Variants in NANS observed in about 807,000 individuals in gnomAD.
NANS encodes N-acetylneuraminate synthase, also known as N-acetylneuraminate-9-phosphate synthase.
In NANS, 29 loss-of-function variants were observed where a neutral mutation model predicts 33.3. The ratio of observed to expected loss-of-function variants is 0.87; its 90% CI spans 0.65 to 1.19. The LOEUF (loss-of-function observed/expected upper bound fraction) is 1.19. Among genes scored for constraint, NANS ranks in the 50% most tolerant of loss-of-function variants. NANS has a pLI of 0.00. For missense variants in NANS, 394 were observed against 461.1 expected (o/e 0.85, Z 1.33); for synonymous variants, 163 against 177.2 (o/e 0.92, Z 0.64).
chr9:98,063,175 G>A (rs1829036744), intron 2 of NANS, among the ~76,000 whole-genome samples: 1 of 151,798 alleles, frequency 6.6e-6, no homozygotes, highest in Admixed American at 6.6e-5. Flanking sequence ...CCATCCGCCC[G>A]CCCCAGCCTC....
chr9:98,076,678 C>G, intron 2 of NANS: 1 of 468,008 alleles, frequency 2.1e-6, no homozygotes, highest in Non-Finnish European at 3.7e-6. Flanking sequence ...TTTCCAGATT[C>G]CTGTAGCCAG....
At chr9:98,081,842 A>G (rs1450380628) in intron 5 of NANS, 1 of 152,198 alleles carries the variant, frequency 6.6e-6, no homozygotes, top group Non-Finnish European at 1.5e-5. Flanking sequence ...CCCCAAATCA[A>G]AGATGCATCT....
intron 2 of NANS, among the ~76,000 whole-genome samples, chr9:98,070,272 C>A (rs1047684851): frequency 1.3e-5 from 2 of 152,122 alleles, no homozygotes; most frequent in Non-Finnish European, 2.9e-5. Context: ...TGTATGCCAC[C>A]ATGCCCAGCT....
intron 1 of NANS, 49 bp downstream of exon 1, chr9:98,056,989 G>A: frequency 1.3e-6 from 2 of 1,512,464 alleles, no homozygotes; most frequent in Non-Finnish European, 1.8e-6. Flanking sequence ...GGGAGGGGCG[G>A]GGCGGGGCCG....
intron 5 of NANS, chr9:98,081,897 A>T (rs1412902971): frequency 1.3e-5 from 2 of 152,256 alleles, no homozygotes; most frequent in African/African-American, 2.4e-5. Flanking sequence ...GTTTCTTTAT[A>T]GAGGAAACAG....
chr9:98,070,488 T>A (rs2131635464), intron 2 of NANS, among the ~76,000 whole-genome samples: 1 of 152,230 alleles, frequency 6.6e-6, no homozygotes, highest in East Asian at 1.9e-4. Flanking sequence ...TGGCGTGATC[T>A]TGGCTCACTG....
intron 5 of NANS, among the ~76,000 whole-genome samples, chr9:98,082,639 G>A (rs981396762): frequency 6.6e-6 from 1 of 152,176 alleles, no homozygotes; most frequent in African/African-American, 2.4e-5. Flanking sequence ...TTGTTGTAAA[G>A]GCTCCTCCTC....
intron 2 of NANS, among the ~76,000 whole-genome samples, chr9:98,071,052 G>A (rs1444247411): frequency 6.6e-6 from 1 of 151,850 alleles, no homozygotes; most frequent in Admixed American, 6.6e-5. Flanking sequence ...GCCTCAAACA[G>A]TCTCCCACCT....
chr9:98,067,381 T>G (rs1278094519), intron 2 of NANS, among the ~76,000 whole-genome samples: 1 of 152,210 alleles, frequency 6.6e-6, no homozygotes, highest in Non-Finnish European at 1.5e-5. Flanking sequence ...GGTTTGATGG[T>G]GCCAGTTGCT....
At chr9:98,078,831 A>G (rs1829713083) in intron 4 of NANS, among the ~76,000 whole-genome samples, 2 of 82,916 alleles carry the variant, frequency 2.4e-5, no homozygotes, top group South Asian at 4.9e-4. Context: ...TGAGACTCTC[A>G]GGGGGAAAAA....
chr9:98,064,074 C>A (rs893733468), intron 2 of NANS, among the ~76,000 whole-genome samples: 3 of 152,194 alleles, frequency 2.0e-5, no homozygotes, highest in Non-Finnish European at 4.4e-5. Flanking sequence ...AAGAAGCACA[C>A]ATGCAGCTCA....
At chr9:98,073,454 T>C (rs1829441267) in intron 2 of NANS, among the ~76,000 whole-genome samples, 1 of 151,558 alleles carries the variant, frequency 6.6e-6, no homozygotes, top group Non-Finnish European at 1.5e-5. Context: ...CGGGCTAATT[T>C]TTGTATTTTT....
In NANS at chr9:98,076,964, T is replaced by C. The variant is rs749393984; in HGVS notation, c.395T>C (p.Val132Ala). ...LHELNVPFFK[V>A]GSGDTNNFPY... ...GAACTGAATGTTCCATTTTTCAAAG[T>C]TGGATCTGGAGACACTAATAATTTT... Residue 132 changes from valine to alanine, a missense_variant, in exon 3 of 6, where the codon GTT (valine) becomes GCT (alanine). Transcript: ENST00000210444. 6.2e-7 allele frequency: 1 copy of C among 1,612,302 alleles called. No individual in the cohort carries two copies. The highest frequency in any genetic ancestry group is 1.1e-5 in the South Asian group (1 of 90,326).
rs567126405 is a variant in NANS, at chr9:98,059,788, G to C, written c.133-994G>C. 1.8e-4 allele frequency among the ~76,000 whole-genome samples: 28 copies of C among 151,844 alleles called. 2 individuals are homozygous for C. The highest frequency in any genetic ancestry group is 6.8e-4 in the African/African-American group (28 of 41,376). ...TTTATATTATTGCCTCTGCTCAGTA[G>C]AAGTCATCTAGGGGCTGGGGCATTT... On this transcript the variant is annotated intron_variant, in intron 1 of 5. Transcript: ENST00000210444.
At chr9:98,065,917 G>A (rs545721961) in intron 2 of NANS, among the ~76,000 whole-genome samples, 14 of 152,170 alleles carry the variant, frequency 9.2e-5, no homozygotes, top group Non-Finnish European at 1.8e-4. Flanking sequence ...CCCCCACCAT[G>A]ATTCTGAGAC....
chr9:98,072,247 G>A (rs1440632801), intron 2 of NANS, among the ~76,000 whole-genome samples: 1 of 151,986 alleles, frequency 6.6e-6, no homozygotes, highest in Non-Finnish European at 1.5e-5. Context: ...GCCAGCACAG[G>A]GCCAGGTCTA....
intron 4 of NANS, among the ~76,000 whole-genome samples, chr9:98,079,025 T>C (rs1829727258): frequency 6.6e-6 from 1 of 152,198 alleles, no homozygotes; most frequent in Non-Finnish European, 1.5e-5. Flanking sequence ...TCTCTTATTT[T>C]CTAATGCTGA....
rs1376839475 is a variant in NANS at position 98,056,889 on chromosome 9, G to C, written c.81G>C (p.Gln27His). The C allele has an allele frequency of 1.2e-6, 2 of 1,611,152 alleles. No homozygotes were observed. The highest frequency in any genetic ancestry group is 3.3e-5 in the Admixed American group (2 of 59,904). ...HPCFIIAEIGQNHQGDLDVAK... is the reference protein window; with the variant it reads ...HPCFIIAEIGHNHQGDLDVAK... ...GCTTCATCATTGCCGAGATCGGCCA[G>C]AACCACCAGGGCGACCTGGACGTAG... Residue 27 changes from glutamine to histidine, a missense_variant, in exon 1 of 6, where the codon CAG becomes CAC. Gln to His is a conservative substitution (Grantham distance 24, BLOSUM62 0). Transcript: ENST00000210444.
chr9:98,079,249 A>G (rs926730086), intron 4 of NANS, among the ~76,000 whole-genome samples: 2 of 152,218 alleles, frequency 1.3e-5, no homozygotes, highest in African/African-American at 4.8e-5. Flanking sequence ...CATCTCTCTC[A>G]GTTCTTCCTG....
Sources: allele counts gnomAD v4.1 joint callset (sites outside exome capture counted in the v4.1 genomes callset), GRCh38; gene constraint gnomAD v4.1.1; transcripts MANE v1.5; gene names NCBI Gene and HGNC (gene_info 2026-07-23, HGNC 2026-07-21).